NPAS3: variants seen among roughly 807,000 people sequenced by gnomAD.
The protein encoded by NPAS3 is neuronal PAS domain-containing protein 3.
Under a neutral mutation model 73.1 loss-of-function variants are expected in NPAS3, and 14 were observed. The observed-to-expected ratio is 0.19, with a 90% CI of 0.13 to 0.30. The LOEUF (loss-of-function observed/expected upper bound fraction) is 0.30. Among genes scored for constraint, NPAS3 ranks in the 10% least tolerant of loss-of-function variants. The pLI, the probability that NPAS3 is intolerant of heterozygous loss-of-function variation, is 1.00. For missense variants in NPAS3, 1,096 were observed against 1,250.0 expected, an observed-to-expected ratio of 0.88 and a Z score of 1.86; for synonymous variants, 620 against 541.5, an observed-to-expected ratio of 1.14 and a Z score of -2.01.
chr14:32,955,901 G>C (rs563777108), intron 1 of NPAS3, among the ~76,000 whole-genome samples: 2 of 152,206 alleles, frequency 1.3e-5, no homozygotes, highest in African/African-American at 4.8e-5. Flanking sequence ...GTAATTCCTA[G>C]TGTATTTTGG....
intron 1 of NPAS3, among the ~76,000 whole-genome samples, chr14:33,004,183 C>T (rs2038907057): frequency 6.6e-6 from 1 of 152,170 alleles, no homozygotes; most frequent in Non-Finnish European, 1.5e-5. Context: ...ATTTTTAGTA[C>T]AGTGTGTGTT....
intron 2 of NPAS3, among the ~76,000 whole-genome samples, chr14:33,081,870 T>A (rs1382407341): frequency 6.6e-6 from 1 of 152,206 alleles, no homozygotes; most frequent in Non-Finnish European, 1.5e-5. Flanking sequence ...TTGGGTTATT[T>A]TGGTGATAGC....
intron 4 of NPAS3, among the ~76,000 whole-genome samples, chr14:33,399,892 T>A (rs1042484737): frequency 6.6e-6 from 1 of 152,106 alleles, no homozygotes; most frequent in Non-Finnish European, 1.5e-5. Flanking sequence ...AGCTGTGTGA[T>A]CTTGAGCAAG....
intron 3 of NPAS3, among the ~76,000 whole-genome samples, chr14:33,327,794 G>A (rs1360365116): frequency 2.0e-5 from 3 of 152,204 alleles, no homozygotes; most frequent in Non-Finnish European, 2.9e-5. Flanking sequence ...TAAAGTTACT[G>A]CAGTTGGCTG....
At chr14:33,540,115 A>T (rs1055018658) in intron 4 of NPAS3, among the ~76,000 whole-genome samples, 10 of 152,204 alleles carry the variant, frequency 6.6e-5, no homozygotes, top group African/African-American at 2.4e-4. Context: ...CAATGTGAAC[A>T]TTCCCTTGTT....
At chr14:33,635,986 C>T (rs1308452568) in intron 5 of NPAS3, among the ~76,000 whole-genome samples, 1 of 152,156 alleles carries the variant, frequency 6.6e-6, no homozygotes, top group Non-Finnish European at 1.5e-5. Flanking sequence ...CTCTTGTTGC[C>T]CAGGCTGGAG....
At chr14:33,496,288 A>G (rs1345374179) in intron 4 of NPAS3, among the ~76,000 whole-genome samples, 2 of 152,134 alleles carry the variant, frequency 1.3e-5, no homozygotes, top group Admixed American at 1.3e-4. Flanking sequence ...AGCTGGTACC[A>G]TTCCTTCTGA....
At chr14:33,123,149 G>A (rs185174767) in intron 2 of NPAS3, among the ~76,000 whole-genome samples, 47 of 152,044 alleles carry the variant, frequency 3.1e-4, no homozygotes, top group African/African-American at 1.1e-3. Context: ...TTATGTAGAA[G>A]ATAAAGAACT....
chr14:33,370,241 G>T (rs1028846279), intron 4 of NPAS3, among the ~76,000 whole-genome samples: 1 of 152,046 alleles, frequency 6.6e-6, no homozygotes, highest in Non-Finnish European at 1.5e-5. Context: ...CACAGGTCAA[G>T]TACTATGGGG....
chr14:33,185,674 A>G (rs1309340979), intron 2 of NPAS3, among the ~76,000 whole-genome samples: 1 of 151,904 alleles, frequency 6.6e-6, no homozygotes, highest in Non-Finnish European at 1.5e-5. Context: ...ACACACACAG[A>G]CTCCTTACAC....
chr14:33,042,131 C>A (rs1463791315), intron 1 of NPAS3, among the ~76,000 whole-genome samples: 2 of 152,126 alleles, frequency 1.3e-5, no homozygotes, highest in African/African-American at 2.4e-5. Context: ...ATGTCCACAT[C>A]CTTTACAGGT....
downstream of NPAS3, chr14:33,803,277 A>G (rs2063757250): frequency 6.6e-6 from 1 of 152,188 alleles, no homozygotes; most frequent in Admixed American, 6.5e-5. Flanking sequence ...GGGATAATGG[A>G]ATCTAGAATT....
intron 3 of NPAS3, among the ~76,000 whole-genome samples, chr14:33,308,525 T>TACACACACACACACACACACACAC (rs1280716729): frequency 1.2e-5 from 1 of 82,492 alleles, no homozygotes; most frequent in African/African-American, 5.0e-5. Context: ...TATATATATA[T>TACACACACACACACACACACACAC]ATACATACAC....
intron 3 of NPAS3, among the ~76,000 whole-genome samples, chr14:33,331,639 T>C (rs1594710961): frequency 6.6e-6 from 1 of 152,120 alleles, no homozygotes; most frequent in African/African-American, 2.4e-5. Context: ...GCTTCAGATA[T>C]GCTTTCAGCT....
chr14:33,545,828 G>A (rs1378693820), intron 4 of NPAS3, among the ~76,000 whole-genome samples: 1 of 152,198 alleles, frequency 6.6e-6, no homozygotes, highest in Non-Finnish European at 1.5e-5. Context: ...TCACTGTATA[G>A]TGCCAGATCT....
chr14:33,597,421 G>A (rs949337012), intron 5 of NPAS3, among the ~76,000 whole-genome samples: 1 of 152,174 alleles, frequency 6.6e-6, no homozygotes, highest in Admixed American at 6.5e-5. Context: ...TTATCTGGAA[G>A]GCATATGTCA....
intron 4 of NPAS3, among the ~76,000 whole-genome samples, chr14:33,472,725 G>A (rs1182521100): frequency 1.3e-5 from 2 of 149,912 alleles, no homozygotes; most frequent in Admixed American, 1.3e-4. Flanking sequence ...GCTGGATGAA[G>A]TTGCCTTTTA....
chr14:33,646,260 T>C (rs1447121555), intron 5 of NPAS3, among the ~76,000 whole-genome samples: 1 of 152,214 alleles, frequency 6.6e-6, no homozygotes, highest in East Asian at 1.9e-4. Context: ...ACTCATCATA[T>C]ATGGAACATG....
Position 33,287,476 on chromosome 14 carries a change from A to G in NPAS3, c.385+72050A>G, listed in dbSNP as rs575251734. 2.0e-3 allele frequency among the ~76,000 whole-genome samples: 305 copies of G among 152,282 alleles called. 1 individual carries two copies. Among genetic ancestry groups the G allele is most frequent in the Admixed American group, 5.0e-3 (76 of 15,296 alleles). On this transcript the variant is annotated intron_variant, in intron 3 of 11. Coordinates refer to ENST00000356141, the Ensembl canonical transcript of NPAS3. ...AGAGACTAACCGACAGGGCACACAC[A>G]TGGACAGACTGCCTGGCTGACTCCA...
Sources: gnomAD v4.1 joint callset for allele counts (sites outside exome capture counted in the v4.1 genomes callset) on GRCh38, gnomAD v4.1.1 for gene constraint, MANE v1.5 for transcripts, NCBI Gene and HGNC (gene_info 2026-07-23, HGNC 2026-07-21) for gene names.